The following PTPRT variants were observed in gnomAD, a reference collection of about 807,000 sequenced individuals.
The protein encoded by PTPRT is protein tyrosine phosphatase receptor type T, also known as receptor-type tyrosine-protein phosphatase T.
A neutral mutation model predicts 176.8 loss-of-function variants in PTPRT; 56 were observed. That is an observed-to-expected ratio of 0.32 (90% confidence interval 0.26 to 0.40). The LOEUF (loss-of-function observed/expected upper bound fraction) is 0.40, where lower values mean the gene tolerates loss of function less well. Among genes scored for constraint, PTPRT ranks in the 10% least tolerant of loss-of-function variants. PTPRT has a pLI of 1.00. For synonymous variants in PTPRT, 783 were observed against 739.0 expected (o/e 1.06, Z -0.96); for missense variants, 1,540 against 1,908.2 (o/e 0.81, Z 3.60).
intron 12 of PTPRT, among the ~76,000 whole-genome samples, chr20:42,294,436 C>G (rs901083341): frequency 3.9e-5 from 6 of 151,924 alleles, no homozygotes; most frequent in African/African-American, 1.4e-4. Context: ...TTTAGAATCA[C>G]AAAAGCTAGA....
chr20:42,951,525 G>A (rs978491092), intron 1 of PTPRT, among the ~76,000 whole-genome samples: 1 of 152,156 alleles, frequency 6.6e-6, no homozygotes, highest in East Asian at 1.9e-4. Context: ...CATGTACCAG[G>A]CAAGATGTGA....
intron 7 of PTPRT, among the ~76,000 whole-genome samples, chr20:42,658,017 G>A (rs376296099): frequency 6.6e-5 from 10 of 150,728 alleles, no homozygotes; most frequent in African/African-American, 2.4e-4. Context: ...TATATCTAGA[G>A]CCAAAGAACC....
At chr20:42,619,287 G>A (rs1401043696) in intron 7 of PTPRT, among the ~76,000 whole-genome samples, 1 of 137,014 alleles carries the variant, frequency 7.3e-6, no homozygotes, top group Non-Finnish European at 1.5e-5. Context: ...CTTCTGGCTT[G>A]TAGGGTTTCT....
intron 11 of PTPRT, among the ~76,000 whole-genome samples, chr20:42,350,228 T>TGTTTTGTTTTG (rs745693310): frequency 2.5e-5 from 3 of 118,068 alleles, no homozygotes; most frequent in African/African-American, 1.0e-4. Flanking sequence ...TTTTTTTTTT[T>TGTTTTGTTTTG]TTTTTTTTTT....
chr20:42,082,579 G>A (rs1001302921), intron 29 of PTPRT, among the ~76,000 whole-genome samples: 1 of 152,218 alleles, frequency 6.6e-6, no homozygotes, highest in African/African-American at 2.4e-5. Context: ...GTAGGAACTT[G>A]GAGGGAGGAA....
intron 2 of PTPRT, among the ~76,000 whole-genome samples, chr20:42,848,157 T>C (rs1363223093): frequency 2.0e-5 from 3 of 152,302 alleles, no homozygotes; most frequent in East Asian, 3.9e-4. Context: ...GCAAATGCCA[T>C]TATTTTGTTC....
At chr20:42,123,166 G>T (rs532112125) in intron 19 of PTPRT, among the ~76,000 whole-genome samples, 31 of 152,292 alleles carry the variant, frequency 2.0e-4, no homozygotes, top group African/African-American at 7.2e-4. Context: ...TAATGCTCAG[G>T]CTGGAAGAAA....
At chr20:42,519,173 TCTC>T (rs1210226289) in intron 7 of PTPRT, among the ~76,000 whole-genome samples, 3 of 152,110 alleles carry the variant, frequency 2.0e-5, no homozygotes, top group African/African-American at 7.2e-5. Context: ...ACTAATCTGT[TCTC>T]CAGTTTTTTT....
At chr20:43,067,480 T>C (rs2425579) in intron 1 of PTPRT, among the ~76,000 whole-genome samples, 30,421 of 152,116 alleles carry the variant, frequency 0.2, 3,300 homozygotes, top group Admixed American at 0.33. Flanking sequence ...TATGTGAATT[T>C]AACCTCAATA....
chr20:43,049,540 A>G (rs985344579), intron 1 of PTPRT, among the ~76,000 whole-genome samples: 5 of 152,234 alleles, frequency 3.3e-5, no homozygotes, highest in Admixed American at 6.5e-5. Context: ...TCTCAGACAC[A>G]GGTAGACCCA....
At chr20:42,974,764 T>G (rs75908163) in intron 1 of PTPRT, among the ~76,000 whole-genome samples, 1,570 of 152,340 alleles carry the variant, frequency 0.01, 28 homozygotes, top group African/African-American at 0.036. Flanking sequence ...TACTTCTTAT[T>G]TCTTCCACTT....
intron 1 of PTPRT, among the ~76,000 whole-genome samples, chr20:42,994,281 T>C (rs1984109668): frequency 6.6e-6 from 1 of 152,182 alleles, no homozygotes; most frequent in South Asian, 2.1e-4. Context: ...CTCCACACTT[T>C]TTCTCTTCTT....
intron 7 of PTPRT, among the ~76,000 whole-genome samples, chr20:42,654,490 A>G (rs2075088703): frequency 6.6e-6 from 1 of 152,100 alleles, no homozygotes; most frequent in Non-Finnish European, 1.5e-5. Context: ...CCCAGAACCC[A>G]CTCATTGAGG....
At chr20:42,962,646 G>A (rs1181834064) in intron 1 of PTPRT, among the ~76,000 whole-genome samples, 2 of 152,134 alleles carry the variant, frequency 1.3e-5, no homozygotes, top group East Asian at 1.9e-4. Context: ...ATATCTGCAG[G>A]ATTTAAAGCA....
intron 8 of PTPRT, among the ~76,000 whole-genome samples, chr20:42,451,731 G>C (rs553000647): frequency 6.6e-6 from 1 of 152,088 alleles, no homozygotes; most frequent in South Asian, 2.1e-4. Context: ...CTTTAAACTT[G>C]CCCATTGAAC....
chr20:42,084,162 C>G (rs115596170), intron 29 of PTPRT, among the ~76,000 whole-genome samples: 4 of 152,214 alleles, frequency 2.6e-5, no homozygotes, highest in African/African-American at 9.7e-5. Context: ...ACTGTCCTCT[C>G]GAGGTCCTGA....
chr20:42,181,198 A>C (rs1191486981), intron 16 of PTPRT, among the ~76,000 whole-genome samples: 1 of 152,210 alleles, frequency 6.6e-6, no homozygotes, highest in East Asian at 1.9e-4. Context: ...GAAGGCTCAC[A>C]AGGGCATGAA....
At chr20:42,321,378 T>C (rs2057796469) in intron 11 of PTPRT, among the ~76,000 whole-genome samples, 2 of 152,200 alleles carry the variant, frequency 1.3e-5, no homozygotes, top group East Asian at 1.9e-4. Context: ...AAAAGCTCTC[T>C]AGATAGTTAA....
intron 14 of PTPRT, among the ~76,000 whole-genome samples, chr20:42,242,448 A>G (rs2056372993): frequency 6.6e-6 from 1 of 152,240 alleles, no homozygotes; most frequent in African/African-American, 2.4e-5. Flanking sequence ...AATACAAAGG[A>G]AAAGTATAAG....
Sources: allele counts gnomAD v4.1 joint callset (sites outside exome capture counted in the v4.1 genomes callset), GRCh38; gene constraint gnomAD v4.1.1; transcripts MANE v1.5; gene names NCBI Gene and HGNC (gene_info 2026-07-23, HGNC 2026-07-21).